The following SPPL2A variants were observed in gnomAD, a reference collection of about 807,000 sequenced individuals.
The protein encoded by SPPL2A is signal peptide peptidase like 2A.
In SPPL2A, 51 loss-of-function variants were observed where a neutral mutation model predicts 63.8. The ratio of observed to expected loss-of-function variants is 0.80; its 90% CI spans 0.64 to 1.01. The LOEUF (loss-of-function observed/expected upper bound fraction) is 1.01, where lower values mean the gene tolerates loss of function less well. Among genes scored for constraint, SPPL2A ranks in the 50% least tolerant of loss-of-function variants. The pLI is 0.00. For synonymous variants in SPPL2A, 188 were observed against 205.8 expected (o/e 0.91, Z 0.74); for missense variants, 553 against 622.7 (o/e 0.89, Z 1.19).
intron 14 of SPPL2A, among the ~76,000 whole-genome samples, chr15:50,718,960 A>C (rs1218416730): frequency 2.0e-5 from 3 of 152,132 alleles, no homozygotes; most frequent in Non-Finnish European, 4.4e-5. Flanking sequence ...CTGCCTCACA[A>C]AGTGCCTTCA....
Position 50,702,606 on chromosome 15 carries a change from T to TAATTAGAA in SPPL2A, c.*5193_*5194insTTCTAATT, listed in dbSNP as rs2062484245. 1 of 152,196 alleles carries TAATTAGAA rather than the reference T, an allele frequency of 6.6e-6. No individual in the cohort carries two copies. Among genetic ancestry groups the TAATTAGAA allele is most frequent in the Non-Finnish European group, 1.5e-5 (1 of 68,038 alleles). The allele number at this position is 152,196 out of a possible 1,614,324, so 9.4% of individuals were successfully genotyped here. ...AAATTACCTAATTTACATTGACTTG[T>TAATTAGAA]CCTACTAGAAAATGTTGCAGGTTAA... On this transcript the variant is annotated 3_prime_UTR_variant, in exon 15 of 15. Transcript: ENST00000261854.
intron 6 of SPPL2A, among the ~76,000 whole-genome samples, chr15:50,739,201 G>A (rs1432369595): frequency 2.9e-5 from 4 of 138,830 alleles, no homozygotes; most frequent in Admixed American, 7.5e-5. Flanking sequence ...TTTTTAAGAC[G>A]GAGTTTCGCT....
intron 12 of SPPL2A, among the ~76,000 whole-genome samples, chr15:50,724,317 C>T (rs532285259): frequency 2.0e-5 from 3 of 152,272 alleles, no homozygotes; most frequent in African/African-American, 7.2e-5. Context: ...TGGCTCACGC[C>T]TGTAATCCCA....
intron 1 of SPPL2A, among the ~76,000 whole-genome samples, chr15:50,759,387 C>G (rs1673518514): frequency 6.6e-6 from 1 of 151,988 alleles, no homozygotes; most frequent in Non-Finnish European, 1.5e-5. Context: ...TTGAGACTAA[C>G]CAGGGCAACA....
chr15:50,738,476 G>T (rs1055860573), intron 6 of SPPL2A, among the ~76,000 whole-genome samples: 9 of 151,394 alleles, frequency 5.9e-5, no homozygotes, highest in African/African-American at 4.9e-5. Flanking sequence ...TTGAACCTGG[G>T]AGGTGGAGGT....
chr15:50,732,204 G>C (rs1169687328), intron 9 of SPPL2A, among the ~76,000 whole-genome samples: 1 of 152,062 alleles, frequency 6.6e-6, no homozygotes, highest in East Asian at 1.9e-4. Context: ...GGTGAGGGAT[G>C]AGAAATTACT....
intron 5 of SPPL2A, among the ~76,000 whole-genome samples, chr15:50,741,508 C>T (rs2062820064): frequency 6.6e-6 from 1 of 151,832 alleles, no homozygotes; most frequent in African/African-American, 2.4e-5. Context: ...TAAAAAGGTG[C>T]TAATTATGAT....
At chr15:50,728,743 A>G (rs2062707335) in intron 10 of SPPL2A, among the ~76,000 whole-genome samples, 1 of 151,680 alleles carries the variant, frequency 6.6e-6, no homozygotes, top group Non-Finnish European at 1.5e-5. Flanking sequence ...CCTGGCTTCA[A>G]GCGATCTTCC....
chr15:50,754,043 C>G (rs548449186), intron 1 of SPPL2A, among the ~76,000 whole-genome samples: 13 of 152,312 alleles, frequency 8.5e-5, no homozygotes, highest in Non-Finnish European at 1.6e-4. Flanking sequence ...ACGATCCGCC[C>G]GTCTCAGCCT....
At chr15:50,730,921 T>C (rs759646988) in intron 10 of SPPL2A, 44 bp downstream of exon 10, 1 of 800,460 alleles carries the variant, frequency 1.2e-6, no homozygotes, top group Non-Finnish European at 2.2e-6. Context: ...AAGATGATCA[T>C]TTTTTAGCAT....
intron 10 of SPPL2A, among the ~76,000 whole-genome samples, chr15:50,730,257 T>C (rs1024450445): frequency 6.6e-6 from 1 of 152,048 alleles, no homozygotes; most frequent in Non-Finnish European, 1.5e-5. Context: ...GATCTGGGAA[T>C]ATATGACCTA....
chr15:50,754,419 A>C (rs1411926300), intron 1 of SPPL2A, among the ~76,000 whole-genome samples: 1 of 152,196 alleles, frequency 6.6e-6, no homozygotes, highest in African/African-American at 2.4e-5. Flanking sequence ...TCAGTGCTCT[A>C]CCTACTTTCT....
chr15:50,714,907 TACTCCA>T (rs1391636156), intron 14 of SPPL2A, among the ~76,000 whole-genome samples: 1 of 151,868 alleles, frequency 6.6e-6, no homozygotes, highest in Non-Finnish European at 1.5e-5. Flanking sequence ...TGTGCCACTG[TACTCCA>T]GCCTGGGTGA....
intron 13 of SPPL2A, among the ~76,000 whole-genome samples, chr15:50,721,332 C>G (rs891056819): frequency 1.3e-5 from 2 of 152,192 alleles, no homozygotes; most frequent in African/African-American, 4.8e-5. Context: ...CCACGTCTGG[C>G]CAGCCACTGT....
intron 12 of SPPL2A, among the ~76,000 whole-genome samples, chr15:50,724,405 T>A (rs1354087781): frequency 1.3e-5 from 2 of 151,998 alleles, no homozygotes; most frequent in African/African-American, 4.8e-5. Context: ...TGAAACCCAG[T>A]CTTTACTAAA....
At chr15:50,746,436 CAAA>C (rs71127139) in intron 5 of SPPL2A, among the ~76,000 whole-genome samples, 6 of 87,050 alleles carry the variant, frequency 6.9e-5, no homozygotes, top group Non-Finnish European at 1.2e-4. Flanking sequence ...GACTCTGTAT[CAAA>C]AAAAAAAAAA....
At chr15:50,719,318 C>A (rs576867369) in intron 14 of SPPL2A, among the ~76,000 whole-genome samples, 18 of 152,222 alleles carry the variant, frequency 1.2e-4, no homozygotes, top group Middle Eastern at 6.8e-3. Context: ...AATCTTGGCT[C>A]ACTGCAACCT....
At chr15:50,719,722 GT>G (rs10708490) in intron 14 of SPPL2A, among the ~76,000 whole-genome samples, 45,604 of 147,882 alleles carry the variant, frequency 0.31, 7,341 homozygotes, top group East Asian at 0.57. Flanking sequence ...GTCCTCTGCT[GT>G]TTTTTTTTTT....
At chr15:50,709,023 C>T (rs571161760) in intron 14 of SPPL2A, among the ~76,000 whole-genome samples, 39 of 150,442 alleles carry the variant, frequency 2.6e-4, no homozygotes, top group African/African-American at 8.8e-4. Flanking sequence ...GGTGACAGAG[C>T]GAGACTCCGA....
Sources: allele counts gnomAD v4.1 joint callset (sites outside exome capture counted in the v4.1 genomes callset), GRCh38; gene constraint gnomAD v4.1.1; transcripts MANE v1.5; gene names NCBI Gene and HGNC (gene_info 2026-07-23, HGNC 2026-07-21).